The following SORCS2 variants were observed in gnomAD, a reference collection of about 807,000 sequenced individuals.
SORCS2 encodes the protein VPS10 domain-containing receptor SorCS2.
In SORCS2, 100 loss-of-function variants were observed where a neutral mutation model predicts 141.6. That is an observed-to-expected ratio of 0.71 (90% confidence interval 0.60 to 0.83). SORCS2 has a LOEUF of 0.83. Ranked by LOEUF, SORCS2 falls within the 40% of genes least tolerant of loss-of-function variation. The probability of loss-of-function intolerance (pLI) is 0.00; values close to 1 mark genes in which losing one functional copy is unlikely to be tolerated. For synonymous variants in SORCS2, 789 were observed against 676.9 expected (o/e 1.17, Z -2.57); for missense variants, 1,646 against 1,560.2 (o/e 1.05, Z -0.93).
intron 3 of SORCS2, among the ~76,000 whole-genome samples, chr4:7,599,029 G>C (rs571181923): frequency 2.0e-5 from 3 of 152,250 alleles, no homozygotes; most frequent in African/African-American, 7.2e-5. Flanking sequence ...GCCGGGAGAA[G>C]TGGGCCGATG....
intron 1 of SORCS2, among the ~76,000 whole-genome samples, chr4:7,261,535 T>C (rs1440653710): frequency 6.6e-6 from 1 of 152,232 alleles, no homozygotes; most frequent in Non-Finnish European, 1.5e-5. Context: ...TTATGAAACA[T>C]ATGGATCCTC....
At chr4:7,409,185 C>A (rs921929498) in intron 2 of SORCS2, among the ~76,000 whole-genome samples, 1 of 152,178 alleles carries the variant, frequency 6.6e-6, no homozygotes, top group African/African-American at 2.4e-5. Flanking sequence ...CTATAGTCTT[C>A]TCTGTCTGAC....
chr4:7,238,863 C>T (rs368936256), intron 1 of SORCS2, among the ~76,000 whole-genome samples: 60 of 152,174 alleles, frequency 3.9e-4, no homozygotes, highest in South Asian at 2.1e-4. Flanking sequence ...AGGTCTGTCC[C>T]GGCCATGTGG....
At chr4:7,366,248 CCT>C (rs372990531) in intron 1 of SORCS2, among the ~76,000 whole-genome samples, 77 of 151,640 alleles carry the variant, frequency 5.1e-4, no homozygotes, top group African/African-American at 1.7e-3. Context: ...TCCTTCCCTT[CCT>C]CTCTCTCTCT....
At chr4:7,274,000 G>A (rs549993553) in intron 1 of SORCS2, among the ~76,000 whole-genome samples, 2 of 152,338 alleles carry the variant, frequency 1.3e-5, no homozygotes, top group East Asian at 1.9e-4. Context: ...CCTCTGCCTC[G>A]TGCACTGCAT....
intron 2 of SORCS2, among the ~76,000 whole-genome samples, chr4:7,424,530 T>C (rs1042333429): frequency 6.6e-6 from 1 of 152,212 alleles, no homozygotes; most frequent in Non-Finnish European, 1.5e-5. Flanking sequence ...TGGAAAGATC[T>C]AGAGGCTTTC....
At chr4:7,365,690 G>A (rs1363319890) in intron 1 of SORCS2, among the ~76,000 whole-genome samples, 1 of 152,160 alleles carries the variant, frequency 6.6e-6, no homozygotes, top group Non-Finnish European at 1.5e-5. Flanking sequence ...TGGGCACCCC[G>A]GCGTGCAGGC....
intron 1 of SORCS2, among the ~76,000 whole-genome samples, chr4:7,230,964 A>C (rs369712485): frequency 1.3e-5 from 2 of 152,366 alleles, no homozygotes; most frequent in African/African-American, 4.8e-5. Flanking sequence ...AAACAGAGCC[A>C]GTAGGAAGTG....
chr4:7,208,240 G>C (rs992827072), intron 1 of SORCS2, among the ~76,000 whole-genome samples: 21 of 152,152 alleles, frequency 1.4e-4, no homozygotes, highest in Admixed American at 9.2e-4. Flanking sequence ...TGGGGCAGGT[G>C]GGGGTTAGAG....
intron 3 of SORCS2, among the ~76,000 whole-genome samples, chr4:7,612,270 G>T (rs559601552): frequency 2.0e-5 from 3 of 152,306 alleles, no homozygotes; most frequent in African/African-American, 7.2e-5. Flanking sequence ...TCACAGGGGT[G>T]AAAGGACGGT....
intron 2 of SORCS2, among the ~76,000 whole-genome samples, chr4:7,487,398 A>G (rs528728618): frequency 6.2e-4 from 95 of 152,254 alleles, no homozygotes; most frequent in Middle Eastern, 3.4e-3. Context: ...CCTGTTGGGG[A>G]GTGGGGCCCA....
intron 3 of SORCS2, among the ~76,000 whole-genome samples, chr4:7,603,837 G>T (rs1455506442): frequency 6.6e-6 from 1 of 152,074 alleles, no homozygotes; most frequent in East Asian, 1.9e-4. Flanking sequence ...GCTAACATGG[G>T]GTCTGGTAAA....
chr4:7,419,155 G>C (rs1229901026), intron 2 of SORCS2, among the ~76,000 whole-genome samples: 1 of 152,236 alleles, frequency 6.6e-6, no homozygotes, highest in Non-Finnish European at 1.5e-5. Flanking sequence ...TGGATACAGG[G>C]AGGGGATGAA....
At chr4:7,306,866 T>G (rs752111557) in intron 1 of SORCS2, among the ~76,000 whole-genome samples, 26 of 152,166 alleles carry the variant, frequency 1.7e-4, no homozygotes, top group Admixed American at 6.5e-4. Flanking sequence ...CAGGCAGCGT[T>G]GTGGGCGACC....
At chr4:7,298,762 G>C (rs1196856499) in intron 1 of SORCS2, among the ~76,000 whole-genome samples, 1 of 152,180 alleles carries the variant, frequency 6.6e-6, no homozygotes, top group African/African-American at 2.4e-5. Context: ...AAACATTTGT[G>C]AGCCTGAGGT....
chr4:7,492,181 C>A (rs761318271), intron 2 of SORCS2, among the ~76,000 whole-genome samples: 4 of 152,256 alleles, frequency 2.6e-5, no homozygotes, highest in Non-Finnish European at 4.4e-5. Flanking sequence ...CAGGGCTGCC[C>A]ACCTCCCGCC....
At chr4:7,505,203 G>C (rs982972269) in intron 2 of SORCS2, among the ~76,000 whole-genome samples, 1 of 152,214 alleles carries the variant, frequency 6.6e-6, no homozygotes, top group Non-Finnish European at 1.5e-5. Flanking sequence ...AATAAGCTTG[G>C]ACAGCATCCG....
rs548689681 is a variant in SORCS2 at position 7,341,032 on chromosome 4, C to T, written c.481-55256C>T. Among the ~76,000 whole-genome samples the T allele has an allele frequency of 5.3e-5, 8 of 152,300 alleles. No homozygotes were observed. In the East Asian group the frequency reaches 7.7e-4, roughly 15 times the overall value. On this transcript the variant is annotated intron_variant, in intron 1 of 26. Coordinates refer to ENST00000507866, the MANE Select transcript of SORCS2 (RefSeq NM_020777.3). ...GCCACAGCATGAGCAGCAAAGGAAG[C>T]GTGAGGAGTGAGCAGGAAGCATGCC... is the stretch of plus-strand genomic sequence containing the variant.
At chr4:7,381,993 G>A (rs755649889) in intron 1 of SORCS2, 45 of 985,656 alleles carry the variant, frequency 4.6e-5, no homozygotes, top group Non-Finnish European at 5.4e-5. Context: ...AAACAGGCAG[G>A]TGAACAGGAC....
Sources: allele counts gnomAD v4.1 joint callset (sites outside exome capture counted in the v4.1 genomes callset), GRCh38; gene constraint gnomAD v4.1.1; transcripts MANE v1.5; gene names NCBI Gene and HGNC (gene_info 2026-07-23, HGNC 2026-07-21).